AFG2A: variants seen among roughly 807,000 people sequenced by gnomAD.
AFG2A encodes ATPase family gene 2 protein homolog A.
chr4:123,275,039 C>G, the AFG2A span, among the ~76,000 whole-genome samples: 1 of 152,096 alleles, frequency 6.6e-6, no homozygotes, highest in African/African-American at 2.4e-5. Flanking sequence ...ATTATGTTCA[C>G]CTTAATTTCC....
the AFG2A span, among the ~76,000 whole-genome samples, chr4:123,181,141 C>T: frequency 2.8e-4 from 43 of 152,112 alleles, no homozygotes; most frequent in African/African-American, 9.2e-4. Flanking sequence ...CCCGCCACCG[C>T]GCCTGGCTAA....
chr4:122,958,761 A>G, the AFG2A span, among the ~76,000 whole-genome samples: 1 of 152,178 alleles, frequency 6.6e-6, no homozygotes, highest in East Asian at 1.9e-4. Flanking sequence ...ATAGGGCATT[A>G]GTTCCTAAAC....
At chr4:123,038,396 A>G in the AFG2A span, among the ~76,000 whole-genome samples, 1 of 152,094 alleles carries the variant, frequency 6.6e-6, no homozygotes, top group Non-Finnish European at 1.5e-5. Flanking sequence ...CCTCAAATGG[A>G]GCAAAAATAT....
chr4:123,281,934 G>A, the AFG2A span, among the ~76,000 whole-genome samples: 1 of 152,158 alleles, frequency 6.6e-6, no homozygotes, highest in African/African-American at 2.4e-5. Flanking sequence ...CAGGGATTAG[G>A]GGAAGGGAGG....
the AFG2A span, among the ~76,000 whole-genome samples, chr4:123,159,332 A>T: frequency 6.6e-6 from 1 of 152,194 alleles, no homozygotes; most frequent in Non-Finnish European, 1.5e-5. Flanking sequence ...GTTTTAATAA[A>T]GCAGCCTGGG....
chr4:123,024,372 C>T, the AFG2A span, among the ~76,000 whole-genome samples: 2 of 151,922 alleles, frequency 1.3e-5, no homozygotes, highest in Non-Finnish European at 2.9e-5. Context: ...CCCAAGTCAC[C>T]TAAAGTACAG....
chr4:122,935,937 T>G, the AFG2A span: 4,526 of 1,358,468 alleles, frequency 3.3e-3, 102 homozygotes, highest in African/African-American at 0.053. Flanking sequence ...GTGTGATATT[T>G]TGTACACTGA....
the AFG2A span, among the ~76,000 whole-genome samples, chr4:122,973,711 G>T: frequency 6.6e-6 from 1 of 152,054 alleles, no homozygotes; most frequent in African/African-American, 2.4e-5. Context: ...TGGAGACAGG[G>T]TCTCACCTGT....
At chr4:122,936,702 G>A in the AFG2A span, among the ~76,000 whole-genome samples, 21 of 152,116 alleles carry the variant, frequency 1.4e-4, no homozygotes, top group Non-Finnish European at 1.6e-4. Context: ...ATAATTGGCT[G>A]GGTGCGGTGG....
chr4:123,263,008 G>A, the AFG2A span, among the ~76,000 whole-genome samples: 1 of 152,146 alleles, frequency 6.6e-6, no homozygotes, highest in Non-Finnish European at 1.5e-5. Context: ...AATATGATTG[G>A]CAGAAAGAGT....
chr4:123,142,997 C>T, the AFG2A span, among the ~76,000 whole-genome samples: 3 of 151,912 alleles, frequency 2.0e-5, no homozygotes, highest in African/African-American at 7.3e-5. Flanking sequence ...TAACATAATG[C>T]TTGAAGGAAA....
chr4:123,256,935 G>A, the AFG2A span: 1 of 726,718 alleles, frequency 1.4e-6, no homozygotes, highest in Non-Finnish European at 1.7e-6. Context: ...CCTCGACACA[G>A]AAATAGCATC....
chr4:123,005,224 C>T, the AFG2A span, among the ~76,000 whole-genome samples: 3 of 152,096 alleles, frequency 2.0e-5, no homozygotes, highest in African/African-American at 4.8e-5. Flanking sequence ...GATCACAGCT[C>T]ACTGTGACCT....
chr4:123,316,515 A>G, the AFG2A span: 1 of 152,332 alleles, frequency 6.6e-6, no homozygotes, highest in East Asian at 1.9e-4. Context: ...TCTACATAGA[A>G]AATTATGAAA....
chr4:122,957,321 G>A, the AFG2A span, among the ~76,000 whole-genome samples: 9 of 152,176 alleles, frequency 5.9e-5, no homozygotes, highest in African/African-American at 2.2e-4. Context: ...TGTTGGTTGT[G>A]AAGTGCACTG....
At chr4:123,057,040 T>A in the AFG2A span, among the ~76,000 whole-genome samples, 1 of 152,236 alleles carries the variant, frequency 6.6e-6, no homozygotes, top group Non-Finnish European at 1.5e-5. Flanking sequence ...GGGATACTTT[T>A]ACATCCATTA....
the AFG2A span, among the ~76,000 whole-genome samples, chr4:123,005,943 G>A: frequency 1.3e-5 from 2 of 152,070 alleles, no homozygotes; most frequent in Non-Finnish European, 2.9e-5. Flanking sequence ...TAAATATTAA[G>A]GAAAAGTGAT....
chr4:123,156,310 G>T, the AFG2A span, among the ~76,000 whole-genome samples: 1 of 151,952 alleles, frequency 6.6e-6, no homozygotes, highest in Non-Finnish European at 1.5e-5. Flanking sequence ...GTAGAATACT[G>T]AAACAAACAT....
the AFG2A span, among the ~76,000 whole-genome samples, chr4:123,220,823 A>G: frequency 6.6e-6 from 1 of 152,168 alleles, no homozygotes; most frequent in African/African-American, 2.4e-5. Flanking sequence ...AATTAAACAA[A>G]ATCAATCATT....
Sources: allele counts gnomAD v4.1 joint callset (sites outside exome capture counted in the v4.1 genomes callset), GRCh38; gene constraint gnomAD v4.1.1; transcripts MANE v1.5; gene names NCBI Gene and HGNC (gene_info 2026-07-23, HGNC 2026-07-21).